Variants in CEP78 observed in about 807,000 individuals in gnomAD.
The protein encoded by CEP78 is centrosomal protein of 78 kDa.
A neutral mutation model predicts 81.2 loss-of-function variants in CEP78; 76 were observed. That is an observed-to-expected ratio of 0.94 (90% CI 0.78 to 1.13). The LOEUF (loss-of-function observed/expected upper bound fraction) is 1.13, where lower values mean the gene tolerates loss of function less well. Ranked by LOEUF, CEP78 falls within the 50% of genes most tolerant of loss-of-function variation. The pLI, the probability that CEP78 is intolerant of heterozygous loss-of-function variation, is 0.00. For missense variants in CEP78, 918 were observed against 846.8 expected (o/e 1.08, Z -1.04); for synonymous variants, 293 against 301.4 (o/e 0.97, Z 0.29).
At chr9:78,238,264 C>A (rs1826058562) in intron 1 of CEP78, among the ~76,000 whole-genome samples, 1 of 152,290 alleles carries the variant, frequency 6.6e-6, no homozygotes, top group Admixed American at 6.5e-5. Flanking sequence ...CAGCGTCTTT[C>A]CATGACACAG....
intron 6 of CEP78, 32 bp downstream of exon 6, chr9:78,246,814 C>A: frequency 8.2e-7 from 1 of 1,212,938 alleles, no homozygotes; most frequent in Non-Finnish European, 1.2e-6. Flanking sequence ...TATTGACTAA[C>A]AAATAGCAAA....
chr9:78,240,240 T>G, intron 2 of CEP78, 45 bp downstream of exon 2: 1 of 1,612,876 alleles, frequency 6.2e-7, no homozygotes, highest in Non-Finnish European at 8.5e-7. Flanking sequence ...ATAGTTGCTT[T>G]TAGAGGAAAA....
chr9:78,259,768 G>T (rs1362877100), intron 11 of CEP78, among the ~76,000 whole-genome samples: 1 of 152,190 alleles, frequency 6.6e-6, no homozygotes, highest in South Asian at 2.1e-4. Flanking sequence ...CAGCTGATGG[G>T]TAGGGCCAGA....
In CEP78 at chr9:78,276,855, T is replaced by A. The variant is rs912472188; in HGVS notation, c.*6004T>A. ...AATTAATTTATAAATTCAAAGCAAT[T>A]TCATATAACCACAGTAAAGCTTTTT... On this transcript the variant is annotated 3_prime_UTR_variant, in exon 17 of 17. Coordinates refer to ENST00000643273, the MANE Select transcript of CEP78 (RefSeq NM_001330691.3). 7 of 152,132 alleles carry A rather than the reference T, an allele frequency of 4.6e-5. No homozygotes were observed. Among genetic ancestry groups the A allele is most frequent in the African/African-American group, 1.7e-4 (7 of 41,422 alleles). The allele number at this position is 152,132 out of a possible 1,614,324, so 9.4% of individuals were successfully genotyped here.
rs879332654 is a variant in CEP78, at chr9:78,236,307, G to T, written c.-44G>T. On this transcript the variant is annotated 5_prime_UTR_variant, in exon 1 of 17. Coordinates refer to ENST00000643273, the MANE Select transcript of CEP78 (RefSeq NM_001330691.3). ...ACTCAGCGTTCTTGGGTGGGCGCGG[G>T]CGGCGTCTCCGCGGCGGGCATCCCC... The T allele has an allele frequency of 6.6e-7, 1 of 1,518,822 alleles. No individual in the cohort carries two copies. The highest frequency in any genetic ancestry group is 8.8e-7 in the Non-Finnish European group (1 of 1,133,420). The allele number at this position is 1,518,822 out of a possible 1,614,324, so 94.1% of individuals were successfully genotyped here.
In CEP78 at chr9:78,266,697, A is replaced by G. The variant is rs770095936; in HGVS notation, c.2101A>G (p.Lys701Glu). Residue 701 changes from lysine (K) to glutamate (E), a missense_variant, in exon 16 of 17, where the codon AAA becomes GAA. By Grantham distance (56) the Lys-to-Glu change is moderately conservative. Transcript: ENST00000643273. Reference protein sequence around the residue: ...NSRSSSEKKTKTESH With the variant: ...NSRSSSEKKTETESH Reference sequence around the variant, plus strand: ...CAGATCTTCTTCAGAGAAAAAGACCAAAACAGGTGAATATACCAAAAAACA... The same window carrying G: ...CAGATCTTCTTCAGAGAAAAAGACCGAAACAGGTGAATATACCAAAAAACA... The G allele has an allele frequency of 2.5e-6, 4 of 1,611,906 alleles. No homozygotes were observed. The South Asian group carries it at 4.4e-5, about 18-fold the overall frequency.
Position 78,240,011 on chromosome 9 carries a change from T to C in CEP78, c.254-12T>C, listed in dbSNP as rs777249352. The C allele has an allele frequency of 1.3e-6, 2 of 1,552,180 alleles. No homozygotes were observed. The highest frequency in any genetic ancestry group is 4.5e-5 in the East Asian group (2 of 44,270). On this transcript the variant is annotated splice_polypyrimidine_tract_variant and intron_variant, in intron 1 of 16. Transcript: ENST00000643273. Reference sequence around the variant, plus strand: ...GATTGAAGTCACTAACTTTCTTTTATCTTTGTTTTAGGTTCTGACATGAAT... The same window carrying C: ...GATTGAAGTCACTAACTTTCTTTTACCTTTGTTTTAGGTTCTGACATGAAT...
chr9:78,271,053 G>C lies in CEP78; in HGVS notation c.*202G>C. 1 of 480,706 alleles carries C rather than the reference G, an allele frequency of 2.1e-6. No individual in the cohort carries two copies. Among genetic ancestry groups the C allele is most frequent in the East Asian group, 3.5e-5 (1 of 28,372 alleles). 29.8% of individuals were successfully genotyped at this position (480,706 alleles called of 1,614,324 possible). ...GGCTAAGAAAGCAGCTATCTGAAGTGGGAGCTCTGACCCAAGAAATGCTGG... is the reference window on the plus strand; with the variant it reads ...GGCTAAGAAAGCAGCTATCTGAAGTCGGAGCTCTGACCCAAGAAATGCTGG... On this transcript the variant is annotated 3_prime_UTR_variant, in exon 17 of 17. Coordinates refer to ENST00000643273, the MANE Select transcript of CEP78 (RefSeq NM_001330691.3).
intron 1 of CEP78, among the ~76,000 whole-genome samples, chr9:78,238,369 C>G (rs1826063244): frequency 6.6e-6 from 1 of 152,108 alleles, no homozygotes; most frequent in African/African-American, 2.4e-5. Flanking sequence ...AATGTGTCTG[C>G]TAGGCAGATC....
At chr9:78,264,457 G>A in intron 13 of CEP78, 141 bp downstream of exon 13, 1 of 608,068 alleles carries the variant, frequency 1.6e-6, no homozygotes, top group Non-Finnish European at 2.6e-6. Context: ...TTTAAATGTG[G>A]AATTAATTTT....
chr9:78,262,669 G>A (rs987896285), intron 11 of CEP78, among the ~76,000 whole-genome samples: 2 of 152,100 alleles, frequency 1.3e-5, no homozygotes, highest in Non-Finnish European at 2.9e-5. Context: ...TCTATGGTGA[G>A]CTGTCATAAA....
At position 78,254,917 on chromosome 9, in the gene CEP78, G is replaced by T; in HGVS notation, c.1333G>T (p.Val445Phe). The change falls in exon 11 of 17, where the codon GTT becomes TTT. Residue 445 changes from valine to phenylalanine, a missense_variant. Transcript: ENST00000643273. ...VEEVDDSSES[V>F]HEVPEKTSIE... is the part of the protein sequence containing the mutation. ...AGAGGTTGATGATTCTTCAGAGAGT[G>T]TTCATGAAGTGCCTGAGAAAACTAG... 1 of 1,611,314 alleles carries T rather than the reference G, an allele frequency of 6.2e-7. No homozygotes were observed. The highest frequency in any genetic ancestry group is 8.5e-7 in the Non-Finnish European group (1 of 1,177,948).
At chr9:78,250,803 C>CT (rs1331781914) in intron 8 of CEP78, among the ~76,000 whole-genome samples, 1 of 151,952 alleles carries the variant, frequency 6.6e-6, no homozygotes. Context: ...TACACAGTAA[C>CT]TTTTTTTTAG....
At chr9:78,261,433 TTAC>T (rs900668990) in intron 11 of CEP78, among the ~76,000 whole-genome samples, 9 of 152,148 alleles carry the variant, frequency 5.9e-5, no homozygotes, top group African/African-American at 2.2e-4. Flanking sequence ...GGGAGGAAAA[TTAC>T]TACAACACTT....
rs1446284185 is a variant in CEP78 at position 78,277,341 on chromosome 9, A to G, written c.*6490A>G. On this transcript the variant is annotated 3_prime_UTR_variant, in exon 17 of 17. Coordinates refer to ENST00000643273, the MANE Select transcript of CEP78 (RefSeq NM_001330691.3). ...ACCTTTCACTTTTTACAAAACTTTG[A>G]TAAAATTAGATTTCATAAATAAAGG... is the stretch of plus-strand genomic sequence containing the variant. 1 of 152,164 alleles carries G rather than the reference A, an allele frequency of 6.6e-6. No individual in the cohort carries two copies. The highest frequency in any genetic ancestry group is 1.9e-4 in the East Asian group (1 of 5,204). 9.4% of individuals were successfully genotyped at this position (152,164 alleles called of 1,614,324 possible).
intron 11 of CEP78, among the ~76,000 whole-genome samples, chr9:78,256,601 C>G (rs1349865943): frequency 2.2e-5 from 3 of 138,272 alleles, no homozygotes; most frequent in Non-Finnish European, 3.0e-5. Flanking sequence ...GGCGGGATCT[C>G]GGCTCACTGC....
At position 78,278,210 on chromosome 9, in the gene CEP78, A is replaced by G. The variant is rs1362364704; in HGVS notation, c.*7359A>G. On this transcript the variant is annotated 3_prime_UTR_variant, in exon 17 of 17. Transcript: ENST00000643273. ...TTTTTAAAATTCCTTTTCATCATAG[A>G]AAATGAAAATGTGTACTCTGTTATC... 1 of 152,244 alleles carries G rather than the reference A, an allele frequency of 6.6e-6. No homozygotes were observed. The highest frequency in any genetic ancestry group is 2.4e-5 in the African/African-American group (1 of 41,466). 9.4% of individuals were successfully genotyped at this position (152,244 alleles called of 1,614,324 possible). A position where few individuals can be genotyped will look rare whatever the true frequency, so the allele number is the denominator to read the frequency against.
chr9:78,236,272 C>T lies in CEP78; in HGVS notation c.-79C>T. On this transcript the variant is annotated 5_prime_UTR_variant, in exon 1 of 17. Transcript: ENST00000643273. Reference sequence around the variant, plus strand: ...CGCCTGGCCGTGGGTGCCGGAGCGGCCGGGTTGCGACTCAGCGTTCTTGGG... The same window carrying T: ...CGCCTGGCCGTGGGTGCCGGAGCGGTCGGGTTGCGACTCAGCGTTCTTGGG... The T allele has an allele frequency of 3.0e-6, 4 of 1,322,278 alleles. No homozygotes were observed. The highest frequency in any genetic ancestry group is 1.5e-5 in the African/African-American group (1 of 66,624). The allele number at this position is 1,322,278 out of a possible 1,614,324, so 81.9% of individuals were successfully genotyped here. A position where few individuals can be genotyped will look rare whatever the true frequency, so the allele number is the denominator to read the frequency against.
chr9:78,242,307 A>G (rs1826273579), intron 4 of CEP78, among the ~76,000 whole-genome samples: 1 of 152,186 alleles, frequency 6.6e-6, no homozygotes, highest in Admixed American at 6.5e-5. Flanking sequence ...TGCAAAAGAA[A>G]CTATATGACC....
Sources: allele counts gnomAD v4.1 joint callset (sites outside exome capture counted in the v4.1 genomes callset), GRCh38; gene constraint gnomAD v4.1.1; transcripts MANE v1.5; gene names NCBI Gene and HGNC (gene_info 2026-07-23, HGNC 2026-07-21).